FOXK2: variants seen among roughly 807,000 people sequenced by gnomAD.
FOXK2 encodes the protein forkhead box protein K2.
FOXK2 carries 24 observed loss-of-function variants against 53.3 expected under a neutral mutation model. The ratio of observed to expected loss-of-function variants is 0.45; its 90% CI spans 0.33 to 0.63. The LOEUF (loss-of-function observed/expected upper bound fraction) is 0.63. Among genes scored for constraint, FOXK2 ranks in the 30% least tolerant of loss-of-function variants. The pLI, the probability that FOXK2 is intolerant of heterozygous loss-of-function variation, is 0.03. For missense variants in FOXK2, 952 were observed against 910.5 expected (o/e 1.05, Z -0.59); for synonymous variants, 505 against 407.1 (o/e 1.24, Z -2.89).
In FOXK2 at chr17:82,559,333, G is replaced by A. The variant is rs868674552; in HGVS notation, c.420-4021G>A. 2.4e-5 allele frequency: 11 copies of A among 455,228 alleles called. No individual in the cohort carries two copies. The Middle Eastern group carries it at 1.3e-3, about 55-fold the overall frequency. The allele number at this position is 455,228 out of a possible 1,614,324, so 28.2% of individuals were successfully genotyped here. A position where few individuals can be genotyped will look rare whatever the true frequency, so the allele number is the denominator to read the frequency against. On this transcript the variant is annotated intron_variant, in intron 1 of 8. Coordinates refer to ENST00000335255, the MANE Select transcript of FOXK2 (RefSeq NM_004514.4). ...CTCTGCTACTGGCTGGCGACCGTGCGGACTCCACAGCTGCGCTCAGCTCAG... is the reference window on the plus strand; with the variant it reads ...CTCTGCTACTGGCTGGCGACCGTGCAGACTCCACAGCTGCGCTCAGCTCAG...
At chr17:82,564,103 T>G (rs1289122192) in intron 2 of FOXK2, among the ~76,000 whole-genome samples, 8 of 133,398 alleles carry the variant, frequency 6.0e-5, no homozygotes, top group Admixed American at 1.5e-4. Context: ...TTTTTTTTTT[T>G]GGGAGATGGA....
At chr17:82,597,041 G>A (rs1426877159) in intron 8 of FOXK2, among the ~76,000 whole-genome samples, 3 of 152,148 alleles carry the variant, frequency 2.0e-5, no homozygotes, top group Non-Finnish European at 4.4e-5. Flanking sequence ...TGAAGGCGGC[G>A]GCGCCTCTGG....
intron 1 of FOXK2, among the ~76,000 whole-genome samples, chr17:82,520,904 T>C (rs1047522530): frequency 1.3e-5 from 2 of 152,140 alleles, no homozygotes; most frequent in African/African-American, 4.8e-5. Context: ...AACCTTAAAA[T>C]TTAGGGAAAA....
intron 4 of FOXK2, chr17:82,576,677 G>C: frequency 8.8e-7 from 1 of 1,136,550 alleles, no homozygotes; most frequent in East Asian, 2.4e-5. Flanking sequence ...TCACCACTAA[G>C]CCACTGCTTA....
intron 1 of FOXK2, among the ~76,000 whole-genome samples, chr17:82,549,554 AG>A (rs1203246899): frequency 2.6e-5 from 4 of 151,750 alleles, no homozygotes; most frequent in African/African-American, 9.7e-5. Context: ...GTTGCAGTGC[AG>A]CAAATGGGAG....
intron 1 of FOXK2, among the ~76,000 whole-genome samples, chr17:82,536,819 G>A (rs2044525171): frequency 6.6e-6 from 1 of 152,252 alleles, no homozygotes; most frequent in Non-Finnish European, 1.5e-5. Flanking sequence ...GCCTTAGGCA[G>A]TCTGTTGTAT....
At chr17:82,538,579 C>G (rs1358245253) in intron 1 of FOXK2, among the ~76,000 whole-genome samples, 3 of 152,256 alleles carry the variant, frequency 2.0e-5, no homozygotes, top group African/African-American at 7.2e-5. Context: ...CCCTTGTCCT[C>G]TGCTGGTGGA....
chr17:82,604,361 A>C lies in FOXK2; in HGVS notation c.*2862A>C, dbSNP rs1365658069. The C allele has an allele frequency of 1.3e-5, 2 of 152,424 alleles. No homozygotes were observed. 9.4% of individuals were successfully genotyped at this position (152,424 alleles called of 1,614,324 possible). On this transcript the variant is annotated 3_prime_UTR_variant, in exon 9 of 9. Coordinates refer to ENST00000335255, the MANE Select transcript of FOXK2 (RefSeq NM_004514.4). ...GCTGATCTCCTTCAGTCGTCTACCC[A>C]CTTCCGTCATTGTCCTCCGCTAGAA... is the stretch of plus-strand genomic sequence containing the variant.
chr17:82,521,010 C>T (rs2044356751), intron 1 of FOXK2, among the ~76,000 whole-genome samples: 1 of 152,118 alleles, frequency 6.6e-6, no homozygotes, highest in Admixed American at 6.6e-5. Context: ...AGGGAACTGC[C>T]TATCCTGCTA....
intron 4 of FOXK2, among the ~76,000 whole-genome samples, chr17:82,573,554 TCTCTCTCTCA>T (rs1176410123): frequency 4.6e-5 from 5 of 108,510 alleles, no homozygotes; most frequent in South Asian, 6.9e-4. Flanking sequence ...TCTCTCTCTC[TCTCTCTCTCA>T]CACACACACA....
At chr17:82,595,705 C>A in intron 8 of FOXK2, 1 of 1,194,896 alleles carries the variant, frequency 8.4e-7, no homozygotes, top group East Asian at 5.8e-5. Context: ...GTTATTAAGC[C>A]TGTGTCACTA....
chr17:82,563,995 G>A (rs1195036010), intron 2 of FOXK2, among the ~76,000 whole-genome samples: 1 of 151,332 alleles, frequency 6.6e-6, no homozygotes, highest in Non-Finnish European at 1.5e-5. Context: ...CAAGTGATCC[G>A]CCCACCTCAG....
intron 8 of FOXK2, among the ~76,000 whole-genome samples, chr17:82,591,604 C>T (rs1476755213): frequency 1.3e-5 from 2 of 152,166 alleles, no homozygotes; most frequent in Non-Finnish European, 2.9e-5. Flanking sequence ...TTTTTGAGTA[C>T]ATGGAAAGGA....
At chr17:82,545,689 C>T (rs142723222) in intron 1 of FOXK2, among the ~76,000 whole-genome samples, 3 of 151,426 alleles carry the variant, frequency 2.0e-5, no homozygotes, top group Non-Finnish European at 4.4e-5. Context: ...TCAAGCGATT[C>T]TCCTATCTCA....
chr17:82,520,539 C>T (rs1054072097), intron 1 of FOXK2, among the ~76,000 whole-genome samples: 3 of 152,332 alleles, frequency 2.0e-5, no homozygotes, highest in Non-Finnish European at 2.9e-5. Context: ...CCCGTCTTTC[C>T]CCCTTCCTGG....
chr17:82,535,312 G>A (rs561743303), intron 1 of FOXK2, among the ~76,000 whole-genome samples: 65 of 152,282 alleles, frequency 4.3e-4, no homozygotes, highest in Middle Eastern at 6.8e-3. Flanking sequence ...TTCATTTTGG[G>A]TCCTGTGAGT....
At chr17:82,541,645 CTG>C (rs1183789064) in intron 1 of FOXK2, among the ~76,000 whole-genome samples, 1 of 151,964 alleles carries the variant, frequency 6.6e-6, no homozygotes, top group Admixed American at 6.6e-5. Flanking sequence ...CAAATGAAAA[CTG>C]ATAACTTTTT....
chr17:82,521,935 C>CAAA (rs55776373), intron 1 of FOXK2, among the ~76,000 whole-genome samples: 5 of 119,666 alleles, frequency 4.2e-5, no homozygotes, highest in Non-Finnish European at 9.0e-5. Context: ...GACTCCGCCT[C>CAAA]AAAAAAAAAA....
At chr17:82,564,399 TG>T (rs57284697) in intron 2 of FOXK2, among the ~76,000 whole-genome samples, 66,639 of 151,390 alleles carry the variant, frequency 0.44, 14,849 homozygotes, top group South Asian at 0.56. Context: ...TTTGTTTGTT[TG>T]TTTTGTTTTT....
Sources: allele counts gnomAD v4.1 joint callset (sites outside exome capture counted in the v4.1 genomes callset), GRCh38; gene constraint gnomAD v4.1.1; transcripts MANE v1.5; gene names NCBI Gene and HGNC (gene_info 2026-07-23, HGNC 2026-07-21).